The following PHACTR3 variants were observed in gnomAD, a reference collection of about 807,000 sequenced individuals.
PHACTR3 encodes the protein phosphatase and actin regulator 3.
A neutral mutation model predicts 66.8 loss-of-function variants in PHACTR3; 16 were observed. The ratio of observed to expected loss-of-function variants is 0.24; its 90% CI spans 0.16 to 0.36. The LOEUF (loss-of-function observed/expected upper bound fraction) is 0.36. PHACTR3 is among the 10% of genes least tolerant of loss of function. The pLI is 1.00. For missense variants in PHACTR3, 647 were observed against 719.9 expected, an observed-to-expected ratio of 0.90 and a Z score of 1.16; for synonymous variants, 323 against 292.1, an observed-to-expected ratio of 1.11 and a Z score of -1.08.
Position 59,604,554 on chromosome 20 carries a change from G to GC in PHACTR3, c.-460dup. On this transcript the variant is annotated 5_prime_UTR_variant, in exon 1 of 13. Transcript: ENST00000371015. ...GAACAGCTTTCAGATTAAAGCAATTGCAAGAGCAAAGATTCTTCCTTTTCC... is the reference window on the plus strand; with the variant it reads ...GAACAGCTTTCAGATTAAAGCAATTGCCAAGAGCAAAGATTCTTCCTTTTCC... 1.2e-6 allele frequency: 1 copy of GC among 836,456 alleles called. No homozygotes were observed. Among genetic ancestry groups the GC allele is most frequent in the Non-Finnish European group, 1.4e-6 (1 of 706,708 alleles). 51.8% of individuals were successfully genotyped at this position (836,456 alleles called of 1,614,324 possible).
intron 1 of PHACTR3, among the ~76,000 whole-genome samples, chr20:59,704,451 G>A (rs988895148): frequency 4.0e-5 from 6 of 151,440 alleles, no homozygotes; most frequent in African/African-American, 9.7e-5. Flanking sequence ...TGGCTTTCTT[G>A]TAGGTTCCTT....
intron 1 of PHACTR3, among the ~76,000 whole-genome samples, chr20:59,685,149 C>T (rs1333869023): frequency 6.6e-6 from 1 of 152,214 alleles, no homozygotes; most frequent in Non-Finnish European, 1.5e-5. Context: ...GCCCTGCACC[C>T]ACCTCCTGCT....
upstream of PHACTR3, among the ~76,000 whole-genome samples, chr20:59,600,713 G>A (rs150748994): frequency 1.3e-5 from 2 of 152,252 alleles, no homozygotes; most frequent in East Asian, 3.8e-4. Context: ...TCCCATCTTT[G>A]TGGTTCTTCA....
chr20:59,668,016 G>A (rs2036052966), intron 1 of PHACTR3, among the ~76,000 whole-genome samples: 1 of 152,224 alleles, frequency 6.6e-6, no homozygotes, highest in African/African-American at 2.4e-5. Flanking sequence ...GTATACACCT[G>A]TACCGAGGCA....
chr20:59,799,643 T>C (rs1008404335), intron 7 of PHACTR3, among the ~76,000 whole-genome samples: 1 of 152,152 alleles, frequency 6.6e-6, no homozygotes, highest in Non-Finnish European at 1.5e-5. Context: ...TTTTAAGATT[T>C]TATTTTTAAT....
chr20:59,698,652 G>T (rs1319429881), intron 1 of PHACTR3, among the ~76,000 whole-genome samples: 1 of 152,178 alleles, frequency 6.6e-6, no homozygotes, highest in Non-Finnish European at 1.5e-5. Flanking sequence ...AAGGGGAAAA[G>T]TTTGGATATC....
At chr20:59,707,488 T>C (rs1266700123) in intron 1 of PHACTR3, among the ~76,000 whole-genome samples, 1 of 121,982 alleles carries the variant, frequency 8.2e-6, no homozygotes, top group Non-Finnish European at 1.6e-5. Flanking sequence ...TGAGGCGGAG[T>C]CTCTCTCTGT....
At chr20:59,823,267 T>C (rs2042100113) in intron 8 of PHACTR3, among the ~76,000 whole-genome samples, 1 of 152,202 alleles carries the variant, frequency 6.6e-6, no homozygotes. Context: ...CATTCAGAAG[T>C]GGGTCTTTAT....
At chr20:59,797,390 T>C (rs893929890) in intron 7 of PHACTR3, among the ~76,000 whole-genome samples, 2 of 152,160 alleles carry the variant, frequency 1.3e-5, no homozygotes, top group African/African-American at 2.4e-5. Context: ...GGCAGCATCA[T>C]GTTTCCTTGC....
At position 59,742,951 on chromosome 20, in the gene PHACTR3, G is replaced by A. The variant is rs558695736; in HGVS notation, c.119-156G>A. Among the ~76,000 whole-genome samples the A allele has an allele frequency of 5.3e-5, 8 of 152,296 alleles. No individual in the cohort carries two copies. In the South Asian group the frequency reaches 1.0e-3, roughly 20 times the overall value. On this transcript the variant is annotated intron_variant, in intron 1 of 12. Transcript: ENST00000371015. The stretch of plus-strand genomic sequence containing the variant: ...TCAGCGCACGCTGCTGAGCTGCTGC[G>A]GCCACTGTGGGTGCACTGCTGGACA...
chr20:59,716,898 C>CA (rs1360958996), intron 1 of PHACTR3, among the ~76,000 whole-genome samples: 1 of 152,056 alleles, frequency 6.6e-6, no homozygotes, highest in Non-Finnish European at 1.5e-5. Flanking sequence ...CATTAATAGG[C>CA]AAAAAACGCA....
intron 1 of PHACTR3, among the ~76,000 whole-genome samples, chr20:59,652,079 A>AAGGGC (rs1234520252): frequency 2.0e-5 from 3 of 152,164 alleles, no homozygotes; most frequent in Non-Finnish European, 4.4e-5. Context: ...CTTCCAGTCT[A>AAGGGC]AGGGCAGGAG....
upstream of PHACTR3, among the ~76,000 whole-genome samples, chr20:59,600,811 G>A (rs139076678): frequency 9.2e-5 from 14 of 152,296 alleles, no homozygotes; most frequent in East Asian, 2.7e-3. Context: ...CAGAAGGGGG[G>A]TCCTTCGATG....
At position 59,738,066 on chromosome 20, in the gene PHACTR3, AG is replaced by A. The variant is rs1209179637; in HGVS notation, c.119-5036del. Among the ~76,000 whole-genome samples the A allele has an allele frequency of 1.3e-5, 2 of 151,958 alleles. No individual in the cohort carries two copies. Among genetic ancestry groups the A allele is most frequent in the African/African-American group, 2.4e-5 (1 of 41,370 alleles). Reference sequence around the variant, plus strand: ...GGTCCTGGCAGTGATGGTGGTAGGGAGGGGGAGGCGCCACTGCCCCTCCTGC... The same window carrying A: ...GGTCCTGGCAGTGATGGTGGTAGGGAGGGGAGGCGCCACTGCCCCTCCTGC... On this transcript the variant is annotated intron_variant, in intron 1 of 12. Transcript: ENST00000371015. This position sits in a 1 kb window ranked among gnomAD's most constrained non-coding sequence, Gnocchi z 4.4.
intron 1 of PHACTR3, among the ~76,000 whole-genome samples, chr20:59,595,477 G>C (rs2033301494): frequency 6.6e-6 from 1 of 152,134 alleles, no homozygotes; most frequent in Non-Finnish European, 1.5e-5. Flanking sequence ...TAAATAATTT[G>C]TTAATGTGAA....
At chr20:59,608,702 C>G (rs1182593140) in intron 1 of PHACTR3, among the ~76,000 whole-genome samples, 1 of 152,218 alleles carries the variant, frequency 6.6e-6, no homozygotes, top group South Asian at 2.1e-4. Flanking sequence ...TGTCCTGGCT[C>G]CATGCCTCTC....
intron 4 of PHACTR3, among the ~76,000 whole-genome samples, chr20:59,758,122 G>A (rs189248792): frequency 0.012 from 903 of 72,712 alleles, 7 homozygotes; most frequent in African/African-American, 0.033. Context: ...AAGACCTGGG[G>A]GAGACTGGAG....
At position 59,773,297 on chromosome 20, in the gene PHACTR3, A is replaced by C; in HGVS notation, c.770A>C (p.Gln257Pro). ...KNVTGQATLF[Q>P]ASSMKSADPS... ...ACCCCAGGCCAAGCCACACTCTTCC[A>C]AGCCTCCAGCATGAAGAGTGCCGAC... The change falls in exon 6 of 13, where the codon CAA (glutamine) becomes CCA (proline). Residue 257 changes from glutamine to proline, a missense_variant. Gln to Pro is a moderately conservative substitution (Grantham distance 76, BLOSUM62 -1). Coordinates refer to ENST00000371015, the MANE Select transcript of PHACTR3 (RefSeq NM_080672.5). The C allele has an allele frequency of 1.2e-6, 2 of 1,613,952 alleles. No individual in the cohort carries two copies. Among genetic ancestry groups the C allele is most frequent in the Non-Finnish European group, 1.7e-6 (2 of 1,179,910 alleles).
At position 59,604,851 on chromosome 20, in the gene PHACTR3, T is replaced by C; in HGVS notation, c.-164T>C. 8.3e-7 allele frequency: 1 copy of C among 1,209,812 alleles called. No homozygotes were observed. The highest frequency in any genetic ancestry group is 1.0e-6 in the Non-Finnish European group (1 of 975,556). The allele number at this position is 1,209,812 out of a possible 1,614,324, so 74.9% of individuals were successfully genotyped here. Reference sequence around the variant, plus strand: ...CGCCCTGAAGCCAGCCCCGGCGTCTTTCTCCAGCTCGTTTCCTTTCCCGGC... The same window carrying C: ...CGCCCTGAAGCCAGCCCCGGCGTCTCTCTCCAGCTCGTTTCCTTTCCCGGC... On this transcript the variant is annotated 5_prime_UTR_variant, in exon 1 of 13. Coordinates refer to ENST00000371015, the MANE Select transcript of PHACTR3 (RefSeq NM_080672.5).
Sources: gnomAD v4.1 joint callset for allele counts (sites outside exome capture counted in the v4.1 genomes callset) on GRCh38, gnomAD v4.1.1 for gene constraint, Gnocchi (gnomAD v3.1) non-coding constraint, MANE v1.5 for transcripts, NCBI Gene and HGNC (gene_info 2026-07-23, HGNC 2026-07-21) for gene names.